The following GATA6 variants were observed in gnomAD, a reference collection of about 807,000 sequenced individuals.
The protein encoded by GATA6 is GATA binding protein 6, also known as transcription factor GATA-6.
Under a neutral mutation model 48.1 loss-of-function variants are expected in GATA6, and 11 were observed. The observed-to-expected ratio is 0.23, with a 90% CI of 0.14 to 0.38. The LOEUF (loss-of-function observed/expected upper bound fraction) is 0.38, where lower values mean the gene tolerates loss of function less well. Among genes scored for constraint, GATA6 ranks in the 10% least tolerant of loss-of-function variants. The pLI, the probability that GATA6 is intolerant of heterozygous loss-of-function variation, is 1.00. For missense variants in GATA6, 795 were observed against 850.3 expected (o/e 0.93, Z 0.81); for synonymous variants, 419 against 396.1 (o/e 1.06, Z -0.69).
In GATA6 at chr18:22,171,016, A is replaced by G. The variant is rs2033027549; in HGVS notation, c.-37-92A>G. ...TGAGAAGTCAGATCCCATTTGAACT[A>G]GAAAAAGGAGTGGAGGCGAGGTAGC... On this transcript the variant is annotated intron_variant, in intron 1 of 6. Transcript: ENST00000269216. This position sits in a 1 kb window ranked among gnomAD's most constrained non-coding sequence, Gnocchi z 7.1. The G allele has an allele frequency of 4.0e-6, 3 of 752,982 alleles. No individual in the cohort carries two copies. In the East Asian group the frequency reaches 8.1e-5, roughly 20 times the overall value. The allele number at this position is 752,982 out of a possible 1,614,324, so 46.6% of individuals were successfully genotyped here.
At chr18:22,200,496 A>C in intron 6 of GATA6, 160 bp from the exon 7 acceptor site, 2 of 868,452 alleles carry the variant, frequency 2.3e-6, no homozygotes, top group Non-Finnish European at 3.9e-6. Context: ...GGGGCAGGGG[A>C]TAGTAACGCC....
At chr18:22,196,754 T>A (rs531061682) in intron 6 of GATA6, among the ~76,000 whole-genome samples, 45 of 151,156 alleles carry the variant, frequency 3.0e-4, no homozygotes, top group African/African-American at 1.0e-3. Flanking sequence ...AAATAAAAAA[T>A]AAAATAAAAA....
chr18:22,184,821 G>T (rs373612323), intron 6 of GATA6, among the ~76,000 whole-genome samples: 2 of 152,044 alleles, frequency 1.3e-5, no homozygotes, highest in African/African-American at 4.8e-5. Context: ...TTATTATGCC[G>T]TAGTCCTCAG....
intron 6 of GATA6, among the ~76,000 whole-genome samples, chr18:22,198,883 T>C (rs1225101616): frequency 1.3e-5 from 2 of 152,242 alleles, no homozygotes; most frequent in African/African-American, 4.8e-5. Flanking sequence ...AATTTGCTTT[T>C]TAATGCACCT....
At chr18:22,183,467 A>G (rs546166528) in intron 6 of GATA6, among the ~76,000 whole-genome samples, 68 of 152,058 alleles carry the variant, frequency 4.5e-4, no homozygotes, top group Admixed American at 2.6e-3. Flanking sequence ...TGTTTATCCT[A>G]TCAATTCCAG....
chr18:22,196,493 C>T (rs901450921), intron 6 of GATA6, among the ~76,000 whole-genome samples: 1 of 152,204 alleles, frequency 6.6e-6, no homozygotes, highest in African/African-American at 2.4e-5. Flanking sequence ...GTGATCCCAG[C>T]ACTTTGGGAG....
At chr18:22,189,193 C>T (rs927972993) in intron 6 of GATA6, among the ~76,000 whole-genome samples, 21 of 152,230 alleles carry the variant, frequency 1.4e-4, no homozygotes, top group African/African-American at 4.3e-4. Flanking sequence ...GCTGCGTGGT[C>T]GTTTGAAGGA....
chr18:22,185,233 A>T lies in GATA6; in HGVS notation c.1620+2190A>T, dbSNP rs1598738755. ...TGTCCCAGGAACTCTCACCAGGGACAGAGCAGATGGAGGTGGCTTGCTGGT... is the reference window on the plus strand; with the variant it reads ...TGTCCCAGGAACTCTCACCAGGGACTGAGCAGATGGAGGTGGCTTGCTGGT... On this transcript the variant is annotated intron_variant, in intron 6 of 6. Coordinates refer to ENST00000269216, the MANE Select transcript of GATA6 (RefSeq NM_005257.6). The surrounding 1 kb of genome is among the most constrained non-coding windows in gnomAD (Gnocchi z 4.3). 2.6e-5 allele frequency among the ~76,000 whole-genome samples: 4 copies of T among 152,368 alleles called. No homozygotes were observed. Among genetic ancestry groups the T allele is most frequent in the Admixed American group, 2.6e-4 (4 of 15,302 alleles).
At chr18:22,195,114 C>A (rs1207077328) in intron 6 of GATA6, among the ~76,000 whole-genome samples, 1 of 152,120 alleles carries the variant, frequency 6.6e-6, no homozygotes, top group African/African-American at 2.4e-5. Context: ...TGTAGTGAGC[C>A]GAGATACCAC....
Position 22,201,943 on chromosome 18 carries a change from G to A in GATA6, c.*1120G>A, listed in dbSNP as rs1226044827. 6.6e-6 allele frequency: 1 copy of A among 152,108 alleles called. No individual in the cohort carries two copies. The highest frequency in any genetic ancestry group is 1.5e-5 in the Non-Finnish European group (1 of 68,016). The allele number at this position is 152,108 out of a possible 1,614,324, so 9.4% of individuals were successfully genotyped here. A position where few individuals can be genotyped will look rare whatever the true frequency, so the allele number is the denominator to read the frequency against. ...TGTCCTATGGAAACCTATTTCACCA[G>A]AGTTTTAAAAATAAAAAGGGTATTG... is the stretch of plus-strand genomic sequence containing the variant. On this transcript the variant is annotated 3_prime_UTR_variant, in exon 7 of 7. Transcript: ENST00000269216.
chr18:22,200,682 G>C lies in GATA6; in HGVS notation c.1647G>C (p.Ala549=). ...SGAGAPVMTG[A]GESTNPENSE... is the part of the protein sequence containing the mutation. ...CGGGTGCCCCGGTGATGACTGGTGC[G>C]GGAGAGAGCACCAATCCCGAGAACA... The change falls in exon 7 of 7, where the codon GCG becomes GCC. Residue 549 remains alanine, a synonymous_variant. Transcript: ENST00000269216. The C allele has an allele frequency of 6.2e-7, 1 of 1,614,198 alleles. No individual in the cohort carries two copies. The highest frequency in any genetic ancestry group is 8.5e-7 in the Non-Finnish European group (1 of 1,180,034).
chr18:22,171,898 G>C lies in GATA6; in HGVS notation c.754G>C (p.Ala252Pro). Reference sequence around the variant, plus strand: ...CGGCGGGGCCGCGGGGCCTGGCGGCGCTGGCTCAGCCGCGGCGCACGTCTC... The same window carrying C: ...CGGCGGGGCCGCGGGGCCTGGCGGCCCTGGCTCAGCCGCGGCGCACGTCTC... Reference protein sequence around the residue: ...AGGGAAGPGGAGSAAAHVSAR... With the variant: ...AGGGAAGPGGPGSAAAHVSAR... Residue 252 changes from alanine (A) to proline (P), a missense_variant, in exon 2 of 7, where the codon GCT becomes CCT. Transcript: ENST00000269216. This position sits in a 1 kb window ranked among gnomAD's most constrained non-coding sequence, Gnocchi z 7.1. 8.7e-7 allele frequency: 1 copy of C among 1,154,026 alleles called. No homozygotes were observed. The allele number at this position is 1,154,026 out of a possible 1,614,324, so 71.5% of individuals were successfully genotyped here.
intron 6 of GATA6, among the ~76,000 whole-genome samples, chr18:22,197,381 T>C (rs2033404472): frequency 6.6e-6 from 1 of 152,220 alleles, no homozygotes; most frequent in Non-Finnish European, 1.5e-5. Flanking sequence ...AATAATCTTA[T>C]GGCATAGGTG....
At chr18:22,178,944 A>G (rs2033160426) in intron 3 of GATA6, among the ~76,000 whole-genome samples, 1 of 152,198 alleles carries the variant, frequency 6.6e-6, no homozygotes, top group African/African-American at 2.4e-5. Flanking sequence ...TTTTCTAGAG[A>G]TTGAGCAAAA....
chr18:22,173,679 G>A (rs1214892404), intron 2 of GATA6, among the ~76,000 whole-genome samples: 6 of 152,172 alleles, frequency 3.9e-5, no homozygotes, highest in African/African-American at 1.2e-4. Flanking sequence ...CCTCTTTTTA[G>A]TTTTGCTCTG....
chr18:22,174,713 T>C (rs2033099323), intron 2 of GATA6, among the ~76,000 whole-genome samples: 1 of 151,284 alleles, frequency 6.6e-6, no homozygotes, highest in African/African-American at 2.4e-5. Flanking sequence ...CCTAGCTAGA[T>C]TTCCTGTTTC....
chr18:22,192,285 A>C (rs2033336121), intron 6 of GATA6, among the ~76,000 whole-genome samples: 1 of 151,392 alleles, frequency 6.6e-6, no homozygotes. Flanking sequence ...AGTGAGTGGG[A>C]GATGCCTGGA....
intron 6 of GATA6, among the ~76,000 whole-genome samples, chr18:22,193,350 C>G (rs563362573): frequency 6.6e-6 from 1 of 152,280 alleles, no homozygotes; most frequent in Non-Finnish European, 1.5e-5. Context: ...CCTCTGTTAC[C>G]TCCAGCCAAA....
chr18:22,202,202 A>G lies in GATA6; in HGVS notation c.*1379A>G, dbSNP rs1243407903. ...TCCATGTGCATTGGGGACAGTTTTT[A>G]TAAGTGGGAAGGACTCAGTATTATT... On this transcript the variant is annotated 3_prime_UTR_variant, in exon 7 of 7. Coordinates refer to ENST00000269216, the MANE Select transcript of GATA6 (RefSeq NM_005257.6). 2 of 152,196 alleles carry G rather than the reference A, an allele frequency of 1.3e-5. No individual in the cohort carries two copies. The highest frequency in any genetic ancestry group is 4.8e-5 in the African/African-American group (2 of 41,448). 9.4% of individuals were successfully genotyped at this position (152,196 alleles called of 1,614,324 possible).
Sources: gnomAD v4.1 joint callset for allele counts (sites outside exome capture counted in the v4.1 genomes callset) on GRCh38, gnomAD v4.1.1 for gene constraint, Gnocchi (gnomAD v3.1) non-coding constraint, MANE v1.5 for transcripts, NCBI Gene and HGNC (gene_info 2026-07-23, HGNC 2026-07-21) for gene names.